Variants in GHR observed in about 807,000 individuals in gnomAD.
GHR encodes GH receptor.
GHR carries 35 observed loss-of-function variants against 67.1 expected under a neutral mutation model. That is an observed-to-expected ratio of 0.52 (90% CI 0.40 to 0.69). GHR has a LOEUF of 0.69. GHR is among the 30% of genes least tolerant of loss of function. The pLI is 0.00. For synonymous variants in GHR, 272 were observed against 269.1 expected, an observed-to-expected ratio of 1.01 and a Z score of -0.10; for missense variants, 792 against 764.6, an observed-to-expected ratio of 1.04 and a Z score of -0.42.
intron 1 of GHR, among the ~76,000 whole-genome samples, chr5:42,494,935 C>A (rs1046315512): frequency 2.0e-5 from 3 of 152,034 alleles, no homozygotes; most frequent in Non-Finnish European, 4.4e-5. Flanking sequence ...AATTTAGCAT[C>A]CCCCTTAGAA....
chr5:42,621,439 G>C (rs992907012), intron 2 of GHR, among the ~76,000 whole-genome samples: 3 of 152,108 alleles, frequency 2.0e-5, no homozygotes, highest in Non-Finnish European at 4.4e-5. Context: ...ACAAGCTTAT[G>C]TCAGGAGGAT....
At chr5:42,618,222 T>C (rs1275905368) in intron 2 of GHR, among the ~76,000 whole-genome samples, 1 of 152,084 alleles carries the variant, frequency 6.6e-6, no homozygotes, top group African/African-American at 2.4e-5. Context: ...TGCAAAATAG[T>C]TTCTGGAACC....
intron 1 of GHR, among the ~76,000 whole-genome samples, chr5:42,531,275 A>G (rs1450151600): frequency 6.6e-6 from 1 of 151,856 alleles, no homozygotes; most frequent in Non-Finnish European, 1.5e-5. Flanking sequence ...TCCAAAAAAA[A>G]AACCAAAAAG....
intron 2 of GHR, among the ~76,000 whole-genome samples, chr5:42,622,099 G>A (rs904697639): frequency 6.6e-6 from 1 of 152,172 alleles, no homozygotes; most frequent in African/African-American, 2.4e-5. Context: ...TGACCAAAAA[G>A]AGGATTGCTG....
chr5:42,650,669 C>T (rs12513710), intron 3 of GHR, among the ~76,000 whole-genome samples: 99,401 of 149,762 alleles, frequency 0.66, 34,240 homozygotes, highest in East Asian at 0.82. Context: ...TCACATCAGG[C>T]GGCACTGATG....
intron 2 of GHR, among the ~76,000 whole-genome samples, chr5:42,620,659 T>G (rs933078276): frequency 1.3e-5 from 2 of 152,206 alleles, no homozygotes; most frequent in African/African-American, 2.4e-5. Flanking sequence ...TTTGTTGGAC[T>G]TGCTAATTTT....
chr5:42,448,958 A>T (rs1046946535), intron 1 of GHR, among the ~76,000 whole-genome samples: 1 of 151,772 alleles, frequency 6.6e-6, no homozygotes, highest in African/African-American at 2.4e-5. Context: ...ATTTGCCTTT[A>T]TTTCTGGGTT....
In GHR at chr5:42,637,628, A is replaced by G. The variant is rs532282188; in HGVS notation, c.136+8525A>G. Among the ~76,000 whole-genome samples the G allele has an allele frequency of 3.3e-5, 5 of 152,252 alleles. No homozygotes were observed. The South Asian group carries it at 1.0e-3, about 32-fold the overall frequency. On this transcript the variant is annotated intron_variant, in intron 3 of 9. Coordinates refer to ENST00000230882, the MANE Select transcript of GHR (RefSeq NM_000163.5). ...ATACATCCATGTTGCTGCAAAGGAC[A>G]TGATTTTGTTCTTTTTTATGGCTGC...
At chr5:42,482,472 C>G (rs1745688117) in intron 1 of GHR, among the ~76,000 whole-genome samples, 1 of 152,136 alleles carries the variant, frequency 6.6e-6, no homozygotes, top group African/African-American at 2.4e-5. Flanking sequence ...TGTGCCCTGC[C>G]CTCAGAGAGG....
At position 42,594,777 on chromosome 5, in the gene GHR, A is replaced by G. The variant is rs35414184; in HGVS notation, c.70+28833A>G. On this transcript the variant is annotated intron_variant, in intron 2 of 9. Transcript: ENST00000230882. ...TAAAGACTCCAAAGAGCTTTTGTTT[A>G]TGTGAGGTTTTGTTATTGATACTTA... Among the ~76,000 whole-genome samples, 1,044 of 152,172 alleles carry G rather than the reference A, an allele frequency of 6.9e-3. 6 individuals are homozygous for G. Among genetic ancestry groups the G allele is most frequent in the Non-Finnish European group, 0.011 (760 of 67,982 alleles).
intron 2 of GHR, among the ~76,000 whole-genome samples, chr5:42,571,203 G>T (rs1022069262): frequency 1.3e-5 from 2 of 152,212 alleles, no homozygotes; most frequent in Admixed American, 1.3e-4. Flanking sequence ...GAGGAAACAT[G>T]CTGAGGCTGG....
intron 1 of GHR, among the ~76,000 whole-genome samples, chr5:42,551,412 G>A (rs565914071): frequency 6.6e-6 from 1 of 152,302 alleles, no homozygotes; most frequent in East Asian, 1.9e-4. Flanking sequence ...GTAGAGTCCT[G>A]ATTTGTCTAA....
At chr5:42,456,901 C>A (rs1314096128) in intron 1 of GHR, among the ~76,000 whole-genome samples, 1 of 152,300 alleles carries the variant, frequency 6.6e-6, no homozygotes, top group South Asian at 2.1e-4. Flanking sequence ...GGAAAAGACA[C>A]CCACCCGGGG....
At chr5:42,652,753 C>T (rs1755071253) in intron 3 of GHR, among the ~76,000 whole-genome samples, 2 of 151,910 alleles carry the variant, frequency 1.3e-5, no homozygotes, top group South Asian at 4.2e-4. Context: ...TACTGTTATC[C>T]CTCTTTAACA....
chr5:42,638,817 A>G (rs913735913), intron 3 of GHR, among the ~76,000 whole-genome samples: 3 of 152,092 alleles, frequency 2.0e-5, no homozygotes, highest in Admixed American at 1.3e-4. Flanking sequence ...TAAATATTAA[A>G]CTGTTACAGG....
At chr5:42,579,073 CTATA>C (rs1292230449) in intron 2 of GHR, among the ~76,000 whole-genome samples, 1 of 120,456 alleles carries the variant, frequency 8.3e-6, no homozygotes, top group East Asian at 2.4e-4. Context: ...AAATCTGACA[CTATA>C]GATAGATAGA....
At chr5:42,504,787 G>A (rs938425275) in intron 1 of GHR, among the ~76,000 whole-genome samples, 1 of 151,976 alleles carries the variant, frequency 6.6e-6, no homozygotes, top group African/African-American at 2.4e-5. Flanking sequence ...TAAAAGTAAA[G>A]GTATGAAGTC....
At chr5:42,650,753 A>C (rs1207260579) in intron 3 of GHR, among the ~76,000 whole-genome samples, 1 of 152,102 alleles carries the variant, frequency 6.6e-6, no homozygotes, top group African/African-American at 2.4e-5. Context: ...TCTATGAAGC[A>C]CATGATTGTT....
chr5:42,684,265 CA>C (rs1757028537), intron 3 of GHR, among the ~76,000 whole-genome samples: 1 of 152,140 alleles, frequency 6.6e-6, no homozygotes, highest in Non-Finnish European at 1.5e-5. Context: ...AAATCAAGAC[CA>C]AATGGCTTGG....
Sources: gnomAD v4.1 joint callset for allele counts (sites outside exome capture counted in the v4.1 genomes callset) on GRCh38, gnomAD v4.1.1 for gene constraint, MANE v1.5 for transcripts, NCBI Gene and HGNC (gene_info 2026-07-23, HGNC 2026-07-21) for gene names.